The following ARPP19 variants were observed in gnomAD, a reference collection of about 807,000 sequenced individuals.
ARPP19 encodes cAMP regulated phosphoprotein 19.
A neutral mutation model predicts 12.0 loss-of-function variants in ARPP19; 8 were observed. The observed-to-expected ratio is 0.67, with a 90% confidence interval of 0.39 to 1.21. ARPP19 has a LOEUF of 1.21. Ranked by LOEUF, ARPP19 falls within the 50% of genes most tolerant of loss-of-function variation. ARPP19 has a pLI of 0.01. For missense variants in ARPP19, 102 were observed against 136.3 expected, an observed-to-expected ratio of 0.75 and a Z score of 1.25; for synonymous variants, 47 against 50.4, an observed-to-expected ratio of 0.93 and a Z score of 0.29.
At chr15:52,561,071 G>T (rs1451506534) in intron 1 of ARPP19, among the ~76,000 whole-genome samples, 1 of 152,128 alleles carries the variant, frequency 6.6e-6, no homozygotes, top group Non-Finnish European at 1.5e-5. Flanking sequence ...AACATGCAAA[G>T]TGGTTTCTGC....
intron 2 of ARPP19, among the ~76,000 whole-genome samples, chr15:52,555,147 A>G (rs2077970026): frequency 6.6e-6 from 1 of 152,054 alleles, no homozygotes; most frequent in Non-Finnish European, 1.5e-5. Flanking sequence ...AATTCTATCT[A>G]CTTATTTCTT....
At chr15:52,552,583 CAAAAAAAAAAAAA>C (rs10600080) in intron 2 of ARPP19, among the ~76,000 whole-genome samples, 9 of 59,684 alleles carry the variant, frequency 1.5e-4, no homozygotes, top group Non-Finnish European at 2.8e-4. Flanking sequence ...GACTGTCTCA[CAAAAAAAAAAAAA>C]AAAAAAAAAA....
At chr15:52,565,513 C>G (rs1462297344) in intron 1 of ARPP19, among the ~76,000 whole-genome samples, 1 of 152,184 alleles carries the variant, frequency 6.6e-6, no homozygotes, top group Non-Finnish European at 1.5e-5. Flanking sequence ...CACGTTGCAT[C>G]TAAGTAGTGC....
chr15:52,564,077 GAAGTT>G (rs1236821198), intron 1 of ARPP19: 21 of 681,722 alleles, frequency 3.1e-5, no homozygotes, highest in South Asian at 5.7e-5. Flanking sequence ...TTCTGGATTA[GAAGTT>G]AAGTATTCAA....
At position 52,548,497 on chromosome 15, in the gene ARPP19, G is replaced by T. The variant is rs1423420516; in HGVS notation, c.*3437C>A. ...GAGACTCCATCTCAAAAAAAAAAAA[G>T]AATAAAATAAAATAAATCACAAGCC... On this transcript the variant is annotated 3_prime_UTR_variant, in exon 3 of 3. Transcript: ENST00000249822. The T allele has an allele frequency of 1.3e-5, 2 of 149,230 alleles. No individual in the cohort carries two copies. The highest frequency in any genetic ancestry group is 1.3e-4 in the Admixed American group (2 of 14,858). The allele number at this position is 149,230 out of a possible 1,614,324, so 9.2% of individuals were successfully genotyped here.
intron 1 of ARPP19, 159 bp from the exon 2 acceptor site, chr15:52,557,381 T>C: frequency 1.6e-6 from 1 of 611,304 alleles, no homozygotes; most frequent in Non-Finnish European, 2.8e-6. Context: ...CATCTCTATC[T>C]TGTTTTTCAA....
chr15:52,556,818 T>A (rs927330517), intron 2 of ARPP19, among the ~76,000 whole-genome samples: 11 of 152,078 alleles, frequency 7.2e-5, no homozygotes, highest in African/African-American at 2.7e-4. Flanking sequence ...CATGGCAAAA[T>A]ATAAACATTA....
chr15:52,551,324 G>A lies in ARPP19; in HGVS notation c.*610C>T, dbSNP rs866867639. 1.3e-5 allele frequency: 2 copies of A among 152,676 alleles called. No individual in the cohort carries two copies. 9.5% of individuals were successfully genotyped at this position (152,676 alleles called of 1,614,324 possible). ...TACAGAACTGAATATTAGCTTCAAC[G>A]GCAGCTGTTAAGCACTAGAGTCACA... On this transcript the variant is annotated 3_prime_UTR_variant, in exon 3 of 3. Coordinates refer to ENST00000249822, the MANE Select transcript of ARPP19 (RefSeq NM_006628.6).
intron 1 of ARPP19, among the ~76,000 whole-genome samples, chr15:52,562,193 T>A (rs2055145513): frequency 6.6e-6 from 1 of 152,144 alleles, no homozygotes; most frequent in Non-Finnish European, 1.5e-5. Context: ...CTATAAAAGA[T>A]AAAGTAGTTA....
At chr15:52,567,379 A>G (rs2078093393) in intron 1 of ARPP19, among the ~76,000 whole-genome samples, 1 of 152,238 alleles carries the variant, frequency 6.6e-6, no homozygotes, top group Admixed American at 6.5e-5. Flanking sequence ...ATACTTTGGC[A>G]ACATACTAAC....
Position 52,558,392 on chromosome 15 carries a change from G to T in ARPP19, c.46-1170C>A, listed in dbSNP as rs1352838399. 2.0e-5 allele frequency among the ~76,000 whole-genome samples: 3 copies of T among 151,448 alleles called. No homozygotes were observed. In the South Asian group the frequency reaches 6.3e-4, roughly 32 times the overall value. ...TTAAGCATGGAAGGTTGAGGCTGCA[G>T]TGAGTCATGATCACACCACTGCACT... is the stretch of plus-strand genomic sequence containing the variant. On this transcript the variant is annotated intron_variant, in intron 1 of 2. Transcript: ENST00000249822.
At chr15:52,560,807 A>T (rs1030640708) in intron 1 of ARPP19, among the ~76,000 whole-genome samples, 2 of 152,254 alleles carry the variant, frequency 1.3e-5, no homozygotes, top group African/African-American at 4.8e-5. Flanking sequence ...TGATGCCACC[A>T]CCAACAGCAG....
At chr15:52,568,813 G>C in intron 1 of ARPP19, 35 bp downstream of exon 1, 2 of 1,526,998 alleles carry the variant, frequency 1.3e-6, no homozygotes, top group South Asian at 2.4e-5. Flanking sequence ...ACCCGGCCTT[G>C]GGCAGGGCCC....
chr15:52,561,004 T>C (rs948670022), intron 1 of ARPP19, among the ~76,000 whole-genome samples: 5 of 152,234 alleles, frequency 3.3e-5, no homozygotes, highest in Non-Finnish European at 7.3e-5. Flanking sequence ...TGTTCCTCTA[T>C]TCCTTCTAAT....
intron 2 of ARPP19, among the ~76,000 whole-genome samples, chr15:52,556,572 T>A (rs931360126): frequency 6.6e-6 from 1 of 152,192 alleles, no homozygotes; most frequent in African/African-American, 2.4e-5. Context: ...GAGATAGCTG[T>A]GCATTTATTA....
At chr15:52,558,835 CG>C (rs111387062) in intron 1 of ARPP19, among the ~76,000 whole-genome samples, 5 of 150,398 alleles carry the variant, frequency 3.3e-5, no homozygotes, top group African/African-American at 1.2e-4. Context: ...TTTGTACCCA[CG>C]GGGGGGAAAA....
intron 2 of ARPP19, among the ~76,000 whole-genome samples, chr15:52,555,587 A>G (rs2077974490): frequency 6.6e-6 from 1 of 152,020 alleles, no homozygotes; most frequent in Non-Finnish European, 1.5e-5. Context: ...AGCTATAAGG[A>G]GGACCTTCCA....
At chr15:52,568,812 T>C (rs1462635639) in intron 1 of ARPP19, 36 bp downstream of exon 1, 5 of 1,521,124 alleles carry the variant, frequency 3.3e-6, no homozygotes, top group East Asian at 5.4e-5. Context: ...GACCCGGCCT[T>C]GGGCAGGGCC....
chr15:52,552,328 G>A (rs969954534), intron 2 of ARPP19, among the ~76,000 whole-genome samples: 1 of 152,002 alleles, frequency 6.6e-6, no homozygotes, highest in Non-Finnish European at 1.5e-5. Flanking sequence ...CCAACACTTT[G>A]GGAGGCCAAG....
Sources: allele counts gnomAD v4.1 joint callset (sites outside exome capture counted in the v4.1 genomes callset), GRCh38; gene constraint gnomAD v4.1.1; transcripts MANE v1.5; gene names NCBI Gene and HGNC (gene_info 2026-07-23, HGNC 2026-07-21).